The following CLCA2 variants were observed in gnomAD, a reference collection of about 807,000 sequenced individuals.
CLCA2 encodes chloride channel accessory 2, also known as calcium-activated chloride channel regulator 2.
Under a neutral mutation model 82.9 loss-of-function variants are expected in CLCA2, and 85 were observed. That is an observed-to-expected ratio of 1.03 (90% CI 0.86 to 1.23). The LOEUF (loss-of-function observed/expected upper bound fraction) is 1.23. CLCA2 is among the 50% of genes most tolerant of loss of function. The pLI, the probability that CLCA2 is intolerant of heterozygous loss-of-function variation, is 0.00. For synonymous variants in CLCA2, 421 were observed against 391.7 expected (o/e 1.07, Z -0.88); for missense variants, 1,089 against 1,124.8 (o/e 0.97, Z 0.45).
At chr1:86,440,886 A>G (rs2151706) in intron 8 of CLCA2, among the ~76,000 whole-genome samples, 89,931 of 151,952 alleles carry the variant, frequency 0.59, 27,016 homozygotes, top group African/African-American at 0.65. Flanking sequence ...GGGTGACAGA[A>G]CGAGACCCCA....
At chr1:86,428,318 C>A in intron 2 of CLCA2, 100 bp from the exon 3 acceptor site, 1 of 1,102,904 alleles carries the variant, frequency 9.1e-7, no homozygotes, top group Non-Finnish European at 1.2e-6. Flanking sequence ...AAAATGCACA[C>A]ATCTTAAGTG....
chr1:86,446,413 C>T (rs1373194998), intron 10 of CLCA2, among the ~76,000 whole-genome samples: 1 of 152,048 alleles, frequency 6.6e-6, no homozygotes, highest in Non-Finnish European at 1.5e-5. Context: ...GCCAGGGACA[C>T]TTTACCTACT....
In CLCA2 at chr1:86,428,426, C is replaced by T; in HGVS notation, c.333C>T (p.Val111=). ...IKQESYEKAN[V]IVTDWYGAHG... ...CATTTCTTTTAATTTAGGCAAATGT[C>T]ATAGTGACTGACTGGTATGGGGCAC... The change falls in exon 3 of 14, where the codon GTC becomes GTT. Residue 111 remains valine (V), a synonymous_variant. Coordinates refer to ENST00000370565, the MANE Select transcript of CLCA2 (RefSeq NM_006536.7). 3.8e-6 allele frequency: 6 copies of T among 1,597,916 alleles called. No homozygotes were observed. The highest frequency in any genetic ancestry group is 5.1e-6 in the Non-Finnish European group (6 of 1,172,540).
At chr1:86,442,836 A>G (rs1320071116) in intron 9 of CLCA2, among the ~76,000 whole-genome samples, 1 of 152,216 alleles carries the variant, frequency 6.6e-6, no homozygotes, top group Non-Finnish European at 1.5e-5. Flanking sequence ...GGTATGTGAC[A>G]TCGGCAAATT....
At chr1:86,424,697 A>T (rs1432309943) in intron 1 of CLCA2, among the ~76,000 whole-genome samples, 1 of 152,166 alleles carries the variant, frequency 6.6e-6, no homozygotes, top group Non-Finnish European at 1.5e-5. Flanking sequence ...TTGTTTTCCT[A>T]CATGACTGTT....
At chr1:86,447,467 T>TA in intron 10 of CLCA2, 41 bp from the exon 11 acceptor site, 1 of 1,579,864 alleles carries the variant, frequency 6.3e-7, no homozygotes, top group Non-Finnish European at 8.6e-7. Context: ...AGGGTTGATT[T>TA]TTTTTTCACA....
chr1:86,430,536 G>C (rs1273130991), intron 3 of CLCA2, among the ~76,000 whole-genome samples: 9 of 152,178 alleles, frequency 5.9e-5, no homozygotes, highest in Non-Finnish European at 1.0e-4. Context: ...CTACAAAGCT[G>C]AATAGAAACC....
intron 9 of CLCA2, among the ~76,000 whole-genome samples, chr1:86,443,432 T>C (rs1662778607): frequency 6.6e-6 from 1 of 152,240 alleles, no homozygotes; most frequent in Admixed American, 6.5e-5. Flanking sequence ...ATTAATAAAA[T>C]TTAAGCATAT....
At chr1:86,446,530 T>G (rs1004567610) in intron 10 of CLCA2, among the ~76,000 whole-genome samples, 1 of 152,186 alleles carries the variant, frequency 6.6e-6, no homozygotes, top group Non-Finnish European at 1.5e-5. Flanking sequence ...CATGCATCTG[T>G]CACTAATGTT....
intron 10 of CLCA2, among the ~76,000 whole-genome samples, chr1:86,446,216 C>CTTTT (rs3086658): frequency 2.1e-3 from 231 of 108,402 alleles, no homozygotes; most frequent in East Asian, 4.1e-3. Context: ...GCTGTGGGAA[C>CTTTT]TTTTTTTTTT....
In CLCA2 at chr1:86,428,547, A is replaced by C. The variant is rs1315208850; in HGVS notation, c.454A>C (p.Thr152Pro). The C allele has an allele frequency of 6.2e-7, 1 of 1,613,538 alleles. No individual in the cohort carries two copies. Among genetic ancestry groups the C allele is most frequent in the Admixed American group, 1.7e-5 (1 of 59,968 alleles). ...TPNFLLNDNL[T>P]AGYGSRGRVF... ...TAATTTCCTACTGAATGATAACTTA[A>C]CAGCTGGCTACGGATCACGAGGTAA... Residue 152 changes from threonine (T) to proline (P), a missense_variant, in exon 3 of 14, where the codon ACA becomes CCA. Coordinates refer to ENST00000370565, the MANE Select transcript of CLCA2 (RefSeq NM_006536.7).
Position 86,434,759 on chromosome 1 carries a change from C to T in CLCA2, c.972+14C>T, listed in dbSNP as rs761084922. ...AAGATGGCAGAGGTAACATTTTGAA[C>T]GAAAATGAATGTAAACATTTATCAT... On this transcript the variant is annotated intron_variant, in intron 6 of 13. Transcript: ENST00000370565. 3.0e-5 allele frequency: 47 copies of T among 1,550,116 alleles called. No individual in the cohort carries two copies. The highest frequency in any genetic ancestry group is 1.7e-4 in the Middle Eastern group (1 of 5,970).
chr1:86,447,870 C>A, intron 11 of CLCA2, 92 bp downstream of exon 11: 1 of 1,326,468 alleles, frequency 7.5e-7, no homozygotes, highest in Non-Finnish European at 1.0e-6. Flanking sequence ...CTGTAAGATT[C>A]CTTGAGTTCA....
chr1:86,427,778 G>A (rs1383259511), intron 2 of CLCA2, among the ~76,000 whole-genome samples: 1 of 152,110 alleles, frequency 6.6e-6, no homozygotes, highest in Non-Finnish European at 1.5e-5. Flanking sequence ...AGTTATATGA[G>A]TGGATATTTC....
chr1:86,431,174 T>C (rs1662491503), intron 4 of CLCA2, among the ~76,000 whole-genome samples: 1 of 152,186 alleles, frequency 6.6e-6, no homozygotes. Context: ...GGTTCAAATA[T>C]CAAAACAATA....
intron 11 of CLCA2, among the ~76,000 whole-genome samples, chr1:86,450,246 T>G (rs1163988136): frequency 6.6e-6 from 1 of 152,216 alleles, no homozygotes; most frequent in African/African-American, 2.4e-5. Flanking sequence ...ACCTGAAGAA[T>G]GTGCTTGATT....
chr1:86,434,435 T>A (rs1662558563), intron 5 of CLCA2, 83 bp from the exon 6 acceptor site: 2 of 1,123,244 alleles, frequency 1.8e-6, no homozygotes, highest in African/African-American at 1.5e-5. Context: ...ACCTTTTCTT[T>A]TACCTATAGT....
chr1:86,442,375 G>A (rs1261127889), intron 9 of CLCA2, among the ~76,000 whole-genome samples: 1 of 152,052 alleles, frequency 6.6e-6, no homozygotes. Context: ...CAACAATAGG[G>A]AATAAAAACA....
intron 5 of CLCA2, 55 bp downstream of exon 5, chr1:86,432,583 T>C (rs1662523551): frequency 6.4e-7 from 1 of 1,558,080 alleles, no homozygotes; most frequent in African/African-American, 1.4e-5. Flanking sequence ...CTTCCCATGT[T>C]TCAAGTATTT....
Sources: gnomAD v4.1 joint callset for allele counts (sites outside exome capture counted in the v4.1 genomes callset) on GRCh38, gnomAD v4.1.1 for gene constraint, MANE v1.5 for transcripts, NCBI Gene and HGNC (gene_info 2026-07-23, HGNC 2026-07-21) for gene names.